Variants in SYNDIG1 observed in about 807,000 individuals in gnomAD.
The protein encoded by SYNDIG1 is synapse differentiation-inducing gene protein 1.
SYNDIG1 carries 9 observed loss-of-function variants against 19.4 expected under a neutral mutation model. The observed-to-expected ratio is 0.46, with a 90% CI of 0.28 to 0.81. The LOEUF (loss-of-function observed/expected upper bound fraction) is 0.81, where lower values mean the gene tolerates loss of function less well. SYNDIG1 is among the 30% of genes least tolerant of loss of function. SYNDIG1 has a pLI of 0.12. For missense variants in SYNDIG1, 311 were observed against 343.3 expected, an observed-to-expected ratio of 0.91 and a Z score of 0.74; for synonymous variants, 141 against 145.9, an observed-to-expected ratio of 0.97 and a Z score of 0.24.
chr20:24,663,240 A>G (rs562633162), intron 3 of SYNDIG1, among the ~76,000 whole-genome samples: 1 of 152,280 alleles, frequency 6.6e-6, no homozygotes, highest in South Asian at 2.1e-4. Context: ...TTTCTGACAT[A>G]TCTCCAGCGA....
intron 3 of SYNDIG1, among the ~76,000 whole-genome samples, chr20:24,612,101 A>C (rs1297476043): frequency 1.3e-5 from 2 of 152,242 alleles, no homozygotes; most frequent in Non-Finnish European, 2.9e-5. Context: ...CTGCGTGATT[A>C]GAGGCAAACA....
intron 2 of SYNDIG1, among the ~76,000 whole-genome samples, chr20:24,572,678 A>G (rs2058164146): frequency 6.6e-6 from 1 of 152,186 alleles, no homozygotes; most frequent in Admixed American, 6.5e-5. Flanking sequence ...GAAGAGATAC[A>G]GTTGTGTTCA....
chr20:24,500,470 ATTCTTTTCTTTCTTTCT>A (rs1333432770), intron 1 of SYNDIG1, among the ~76,000 whole-genome samples: 1 of 144,458 alleles, frequency 6.9e-6, no homozygotes, highest in Non-Finnish European at 1.5e-5. Context: ...ACAAAAGCAG[ATTCTTTTCTTTCTTTCT>A]TTCTTTCTTT....
chr20:24,571,208 T>C (rs1437072618), intron 2 of SYNDIG1, among the ~76,000 whole-genome samples: 5 of 152,128 alleles, frequency 3.3e-5, no homozygotes, highest in Non-Finnish European at 7.3e-5. Flanking sequence ...CATCTATACA[T>C]GCAACAAAAT....
intron 2 of SYNDIG1, among the ~76,000 whole-genome samples, chr20:24,561,903 C>T (rs1363214606): frequency 6.6e-6 from 1 of 152,220 alleles, no homozygotes; most frequent in Non-Finnish European, 1.5e-5. Flanking sequence ...TTGCTTATGG[C>T]ATTAGAAAAT....
intron 3 of SYNDIG1, among the ~76,000 whole-genome samples, chr20:24,626,296 G>C (rs11905927): frequency 0.019 from 2,800 of 149,828 alleles, 41 homozygotes; most frequent in African/African-American, 0.041. Context: ...GCAGCCGGGC[G>C]GAGGGGCTCC....
chr20:24,575,583 G>A (rs1160899551), intron 2 of SYNDIG1, among the ~76,000 whole-genome samples: 20 of 152,140 alleles, frequency 1.3e-4, no homozygotes. Context: ...GTTCTAGGAC[G>A]TGCAAGGCAT....
chr20:24,590,503 G>T (rs1415596331), intron 3 of SYNDIG1, among the ~76,000 whole-genome samples: 3 of 152,134 alleles, frequency 2.0e-5, no homozygotes, highest in Non-Finnish European at 2.9e-5. Context: ...GCAGGGCGAC[G>T]ACGGCAGTGG....
intron 1 of SYNDIG1, among the ~76,000 whole-genome samples, chr20:24,513,462 G>C (rs1270604069): frequency 1.3e-5 from 2 of 152,152 alleles, no homozygotes; most frequent in East Asian, 1.9e-4. Context: ...CATGGCACGA[G>C]AACTATGTGA....
intron 1 of SYNDIG1, among the ~76,000 whole-genome samples, chr20:24,516,490 A>G (rs1255075673): frequency 1.3e-5 from 2 of 152,240 alleles, no homozygotes; most frequent in East Asian, 3.8e-4. Context: ...AAACAACCCT[A>G]TCAACAAGTG....
chr20:24,624,040 A>G (rs1207655374), intron 3 of SYNDIG1, among the ~76,000 whole-genome samples: 1 of 152,192 alleles, frequency 6.6e-6, no homozygotes, highest in Non-Finnish European at 1.5e-5. Context: ...AGGCCGACGA[A>G]TCACGAAGTC....
intron 3 of SYNDIG1, among the ~76,000 whole-genome samples, chr20:24,621,026 T>C (rs371564470): frequency 4.1e-4 from 63 of 152,356 alleles, no homozygotes; most frequent in African/African-American, 1.5e-3. Flanking sequence ...ATAAAAGGGC[T>C]AAGAATCTTG....
intron 1 of SYNDIG1, among the ~76,000 whole-genome samples, chr20:24,521,651 A>G (rs146774204): frequency 0.028 from 4,197 of 152,230 alleles, 195 homozygotes; most frequent in African/African-American, 0.095. Context: ...TAATCCTAGC[A>G]CTTTGGGAGA....
intron 1 of SYNDIG1, among the ~76,000 whole-genome samples, chr20:24,539,634 T>C (rs543629176): frequency 6.6e-6 from 1 of 152,342 alleles, no homozygotes; most frequent in East Asian, 1.9e-4. Flanking sequence ...GGGATTTTGC[T>C]ACTGATCGCA....
At chr20:24,554,544 T>C (rs2057772103) in intron 2 of SYNDIG1, among the ~76,000 whole-genome samples, 1 of 152,248 alleles carries the variant, frequency 6.6e-6, no homozygotes, top group African/African-American at 2.4e-5. Context: ...AGGCCTTTTC[T>C]GCATCTATTG....
chr20:24,607,058 C>G (rs1245327238), intron 3 of SYNDIG1, among the ~76,000 whole-genome samples: 1 of 152,112 alleles, frequency 6.6e-6, no homozygotes, highest in Non-Finnish European at 1.5e-5. Flanking sequence ...GGTGAAAGTT[C>G]TTTTTGAAAA....
intron 1 of SYNDIG1, among the ~76,000 whole-genome samples, chr20:24,506,747 C>T (rs1018844950): frequency 4.6e-5 from 7 of 152,132 alleles, no homozygotes; most frequent in Admixed American, 1.3e-4. Context: ...AGTGGCTCCT[C>T]CAGGACCTGG....
At chr20:24,514,771 G>A (rs1600491488) in intron 1 of SYNDIG1, among the ~76,000 whole-genome samples, 2 of 152,104 alleles carry the variant, frequency 1.3e-5, no homozygotes, top group Admixed American at 1.3e-4. Context: ...TGCACCAAGT[G>A]GACCTAATAG....
chr20:24,585,761 G>A (rs1374349640), intron 3 of SYNDIG1, among the ~76,000 whole-genome samples: 10 of 152,204 alleles, frequency 6.6e-5, no homozygotes, highest in African/African-American at 2.4e-4. Flanking sequence ...CATTACCATG[G>A]CCCACTGCTA....
Sources: allele counts gnomAD v4.1 joint callset (sites outside exome capture counted in the v4.1 genomes callset), GRCh38; gene constraint gnomAD v4.1.1; transcripts MANE v1.5; gene names NCBI Gene and HGNC (gene_info 2026-07-23, HGNC 2026-07-21).